The following RNFT2 variants were observed in gnomAD, a reference collection of about 807,000 sequenced individuals.
RNFT2 encodes the protein ring finger protein, transmembrane 2, also known as E3 ubiquitin-protein ligase RNFT2.
RNFT2 carries 36 observed loss-of-function variants against 53.0 expected under a neutral mutation model. The ratio of observed to expected loss-of-function variants is 0.68; its 90% CI spans 0.52 to 0.90. The LOEUF (loss-of-function observed/expected upper bound fraction) is 0.90, where lower values mean the gene tolerates loss of function less well. Ranked by LOEUF, RNFT2 falls within the 40% of genes least tolerant of loss-of-function variation. RNFT2 has a pLI of 0.00. For synonymous variants in RNFT2, 260 were observed against 253.2 expected (o/e 1.03, Z -0.26); for missense variants, 514 against 585.6 (o/e 0.88, Z 1.26).
At chr12:116,831,753 A>T (rs559887702) in intron 7 of RNFT2, among the ~76,000 whole-genome samples, 1 of 152,016 alleles carries the variant, frequency 6.6e-6, no homozygotes, top group African/African-American at 2.4e-5. Flanking sequence ...TAAACTGCAC[A>T]TGTTAGGAGT....
intron 7 of RNFT2, among the ~76,000 whole-genome samples, chr12:116,807,662 G>A (rs142052163): frequency 2.1e-3 from 326 of 152,202 alleles, no homozygotes; most frequent in African/African-American, 7.5e-3. Flanking sequence ...ACTGCTCCCT[G>A]TGCACCTGCA....
chr12:116,812,603 C>T (rs1417757485), intron 7 of RNFT2, among the ~76,000 whole-genome samples: 1 of 151,394 alleles, frequency 6.6e-6, no homozygotes, highest in Non-Finnish European at 1.5e-5. Context: ...GGCGCGATCT[C>T]AGCTCACTGC....
intron 10 of RNFT2, among the ~76,000 whole-genome samples, chr12:116,839,533 G>A (rs1422539013): frequency 6.6e-6 from 1 of 151,684 alleles, no homozygotes; most frequent in Non-Finnish European, 1.5e-5. Flanking sequence ...AGAGGTATAA[G>A]GGGGTGAGTG....
intron 4 of RNFT2, among the ~76,000 whole-genome samples, chr12:116,751,750 GTTTGTTTTTGTT>G (rs576133822): frequency 2.0e-5 from 3 of 151,084 alleles, no homozygotes; most frequent in East Asian, 4.0e-4. Context: ...TTTTTTGTTT[GTTTGTTTTTGTT>G]TTTGTTTTTG....
chr12:116,846,631 A>AT (rs570980057), intron 10 of RNFT2, among the ~76,000 whole-genome samples: 47 of 151,868 alleles, frequency 3.1e-4, no homozygotes, highest in African/African-American at 1.0e-3. Context: ...TTTTGTTTAG[A>AT]TTTTTTTATT....
intron 8 of RNFT2, 25 bp downstream of exon 8, chr12:116,833,966 G>A (rs1184603660): frequency 9.5e-6 from 15 of 1,577,600 alleles, no homozygotes; most frequent in Non-Finnish European, 1.3e-5. Context: ...AGGCTGGAGG[G>A]CCGGCCTAAG....
intron 10 of RNFT2, among the ~76,000 whole-genome samples, chr12:116,837,035 A>T (rs1877012593): frequency 6.6e-6 from 1 of 152,228 alleles, no homozygotes; most frequent in African/African-American, 2.4e-5. Flanking sequence ...ATTCAACCAT[A>T]GAAGTTGCTA....
intron 6 of RNFT2, among the ~76,000 whole-genome samples, chr12:116,778,294 C>G (rs879466272): frequency 2.6e-5 from 4 of 152,152 alleles, no homozygotes; most frequent in Non-Finnish European, 5.9e-5. Flanking sequence ...GTGTTTGGGT[C>G]ATGGGTATGG....
At chr12:116,794,567 C>T (rs1221891822) in intron 7 of RNFT2, among the ~76,000 whole-genome samples, 2 of 150,298 alleles carry the variant, frequency 1.3e-5, no homozygotes, top group Non-Finnish European at 3.0e-5. Flanking sequence ...CACTGCACTC[C>T]AGCCTGGGTG....
intron 7 of RNFT2, among the ~76,000 whole-genome samples, chr12:116,812,548 T>C (rs78801484): frequency 3.3e-5 from 5 of 151,694 alleles, no homozygotes; most frequent in South Asian, 2.1e-4. Context: ...TTTTTTTTTT[T>C]CCTTGAGACA....
At chr12:116,782,079 C>CTAAAAAAAAAAAAAAAAAAA (rs1555261374) in intron 7 of RNFT2, 1 of 34,346 alleles carries the variant, frequency 2.9e-5, no homozygotes, top group Non-Finnish European at 5.3e-5. Flanking sequence ...ACTCCGTCTC[C>CTAAAAAAAAAAAAAAAAAAA]AAAAAAAAAA....
intron 5 of RNFT2, among the ~76,000 whole-genome samples, chr12:116,757,538 T>G (rs1052935848): frequency 5.3e-5 from 8 of 152,256 alleles, no homozygotes; most frequent in South Asian, 2.1e-4. Context: ...TGTCATTCAG[T>G]TTGAAGAATT....
chr12:116,829,319 T>TA (rs1183166406), intron 7 of RNFT2, among the ~76,000 whole-genome samples: 4 of 152,112 alleles, frequency 2.6e-5, no homozygotes, highest in African/African-American at 9.7e-5. Context: ...GGCCACCCCC[T>TA]ACATCTCTGT....
intron 7 of RNFT2, among the ~76,000 whole-genome samples, chr12:116,830,434 C>G (rs1003177293): frequency 2.2e-4 from 34 of 152,070 alleles, no homozygotes; most frequent in Non-Finnish European, 4.4e-5. Flanking sequence ...ACCACAGGAA[C>G]TCACCACCAC....
intron 5 of RNFT2, among the ~76,000 whole-genome samples, chr12:116,760,110 A>T (rs1446205690): frequency 6.6e-6 from 1 of 152,072 alleles, no homozygotes; most frequent in Non-Finnish European, 1.5e-5. Flanking sequence ...TGAGTCATGC[A>T]GGTTGTCAGG....
intron 7 of RNFT2, among the ~76,000 whole-genome samples, chr12:116,803,881 A>G (rs557929332): frequency 1.3e-5 from 2 of 152,350 alleles, no homozygotes; most frequent in African/African-American, 2.4e-5. Context: ...GGCCCAAGGC[A>G]GTGGTGCAGA....
chr12:116,740,642 A>G, intron 2 of RNFT2, 121 bp downstream of exon 2: 1 of 906,462 alleles, frequency 1.1e-6, no homozygotes, highest in Admixed American at 2.0e-5. Context: ...ATCTGAACCC[A>G]CAGAGGGGTT....
chr12:116,822,897 T>C (rs984810453), intron 7 of RNFT2, among the ~76,000 whole-genome samples: 1 of 152,194 alleles, frequency 6.6e-6, no homozygotes, highest in Non-Finnish European at 1.5e-5. Flanking sequence ...CTTGGGAGGC[T>C]GAGGCACGAG....
intron 10 of RNFT2, among the ~76,000 whole-genome samples, chr12:116,841,954 TATATAGAGAG>T (rs1459512251): frequency 5.1e-5 from 1 of 19,726 alleles, no homozygotes; most frequent in African/African-American, 3.5e-4. Context: ...TATAAATATA[TATATAGAGAG>T]AGAGAGAGAG....
Sources: gnomAD v4.1 joint callset for allele counts (sites outside exome capture counted in the v4.1 genomes callset) on GRCh38, gnomAD v4.1.1 for gene constraint, MANE v1.5 for transcripts, NCBI Gene and HGNC (gene_info 2026-07-23, HGNC 2026-07-21) for gene names.